Variants in NOL4L observed in about 807,000 individuals in gnomAD.
NOL4L encodes the protein nucleolar protein 4 like.
A neutral mutation model predicts 64.5 loss-of-function variants in NOL4L; 7 were observed. That is an observed-to-expected ratio of 0.11 (90% confidence interval 0.06 to 0.20). The LOEUF (loss-of-function observed/expected upper bound fraction) is 0.20. Among genes scored for constraint, NOL4L ranks in the 10% least tolerant of loss-of-function variants. The pLI, the probability that NOL4L is intolerant of heterozygous loss-of-function variation, is 1.00. For synonymous variants in NOL4L, 413 were observed against 401.0 expected, an observed-to-expected ratio of 1.03 and a Z score of -0.36; for missense variants, 680 against 967.1, an observed-to-expected ratio of 0.70 and a Z score of 3.94.
chr20:32,584,859 C>T lies in NOL4L; in HGVS notation c.32G>A (p.Gly11Asp). ...CCCGGGGCTGCGCTCGCGCTCCCAG[C>T]CCCCGCGCAGCAGCAGCGTCGGCTT... MPKPTLLLRG[G>D]WERERSPGDS... The change falls in exon 1 of 11, where the codon GGC becomes GAC. Residue 11 changes from glycine to aspartate, a missense_variant. This residue lies in a region of NOL4L where 181 missense variants were observed against 335.2 expected (regional missense o/e 0.54). Transcript: ENST00000621426. 7.0e-7 allele frequency: 1 copy of T among 1,422,316 alleles called. No homozygotes were observed. The highest frequency in any genetic ancestry group is 3.0e-5 in the East Asian group (1 of 32,896). 88.1% of individuals were successfully genotyped at this position (1,422,316 alleles called of 1,614,324 possible). A position where few individuals can be genotyped will look rare whatever the true frequency, so the allele number is the denominator to read the frequency against.
intron 1 of NOL4L, among the ~76,000 whole-genome samples, chr20:32,541,048 C>CACACACACA (rs1555806421): frequency 7.3e-5 from 11 of 150,572 alleles, no homozygotes; most frequent in Admixed American, 6.6e-4. Context: ...CACACACACA[C>CACACACACA]TATTCCCTCT....
intron 5 of NOL4L, among the ~76,000 whole-genome samples, chr20:32,459,474 C>T (rs1455240900): frequency 6.6e-6 from 1 of 151,656 alleles, no homozygotes; most frequent in Admixed American, 6.6e-5. Context: ...ACCTCCACCT[C>T]CCAGGTTCAA....
intron 1 of NOL4L, among the ~76,000 whole-genome samples, chr20:32,554,459 T>C (rs1281520011): frequency 6.7e-6 from 1 of 149,630 alleles, no homozygotes. Flanking sequence ...AGCAAACACC[T>C]CCCCAAGAGA....
At chr20:32,518,034 C>T (rs2145568646) in intron 3 of NOL4L, among the ~76,000 whole-genome samples, 1 of 152,302 alleles carries the variant, frequency 6.6e-6, no homozygotes, top group East Asian at 1.9e-4. Context: ...GAGAGGTTCC[C>T]TGTCCTGCCG....
At chr20:32,564,172 G>A (rs1187989022) in intron 1 of NOL4L, among the ~76,000 whole-genome samples, 4 of 152,188 alleles carry the variant, frequency 2.6e-5, no homozygotes, top group African/African-American at 7.2e-5. Context: ...GTCTCTGTTC[G>A]GTGTAGGCCA....
intron 2 of NOL4L, among the ~76,000 whole-genome samples, chr20:32,526,180 A>G (rs892766927): frequency 1.3e-5 from 2 of 152,138 alleles, no homozygotes; most frequent in African/African-American, 2.4e-5. Flanking sequence ...GTCAACCACC[A>G]TGCCCCACCC....
chr20:32,497,842 CTTCA>C (rs2016758292), intron 4 of NOL4L, among the ~76,000 whole-genome samples: 1 of 152,212 alleles, frequency 6.6e-6, no homozygotes, highest in African/African-American at 2.4e-5. Flanking sequence ...CACTTCCCCC[CTTCA>C]TTCATGGACG....
At chr20:32,482,517 G>T (rs1239413308) in intron 4 of NOL4L, among the ~76,000 whole-genome samples, 1 of 152,142 alleles carries the variant, frequency 6.6e-6, no homozygotes, top group Non-Finnish European at 1.5e-5. Flanking sequence ...AAAGTGTCCA[G>T]CCTTGAAGAC....
At chr20:32,530,504 G>A (rs988817344) in intron 1 of NOL4L, among the ~76,000 whole-genome samples, 30 of 151,636 alleles carry the variant, frequency 2.0e-4, no homozygotes, top group South Asian at 6.3e-4. Context: ...TCGCGCCACC[G>A]CACTCCAGCC....
rs1978537421 is a variant in NOL4L at position 32,554,636 on chromosome 20, AC to A, written c.322-26724del. ...AGAAGCAGGCACCCTCTCCTGGGAA[AC>A]CCCCCAGGAAATCCTCCTTTTCTCC... is the stretch of plus-strand genomic sequence containing the variant. On this transcript the variant is annotated intron_variant, in intron 1 of 10. Transcript: ENST00000621426. Among the ~76,000 whole-genome samples, 3 of 151,596 alleles carry A rather than the reference AC, an allele frequency of 2.0e-5. No homozygotes were observed. The South Asian group carries it at 6.3e-4, about 32-fold the overall frequency.
chr20:32,571,250 C>T (rs543611144), intron 1 of NOL4L, among the ~76,000 whole-genome samples: 1 of 152,140 alleles, frequency 6.6e-6, no homozygotes, highest in Admixed American at 6.5e-5. Context: ...TGCAGTGGCG[C>T]GATCTTGGCT....
At position 32,517,146 on chromosome 20, in the gene NOL4L, G is replaced by GCC. The variant is rs767644205; in HGVS notation, c.589+3664_589+3665insGG. Among the ~76,000 whole-genome samples the GCC allele has an allele frequency of 6.2e-3, 940 of 152,190 alleles. 14 individuals are homozygous for GCC. The highest frequency in any genetic ancestry group is 0.021 in the African/African-American group (880 of 41,520). On this transcript the variant is annotated intron_variant, in intron 3 of 10. Coordinates refer to ENST00000621426, the MANE Select transcript of NOL4L (RefSeq NM_001256798.2). ...TGGGGGAGGGCACGGGGCTGTCCAG[G>GCC]TCCCCCCCACTCTGCTGGGGAGAGA...
At chr20:32,455,505 C>T (rs556251338) in intron 6 of NOL4L, among the ~76,000 whole-genome samples, 14 of 152,306 alleles carry the variant, frequency 9.2e-5, no homozygotes, top group East Asian at 3.9e-4. Context: ...CTCTGGCCCC[C>T]GGGCCCAGGT....
Position 32,474,582 on chromosome 20 carries a change from G to T in NOL4L, c.841+19C>A. 6.2e-7 allele frequency: 1 copy of T among 1,601,726 alleles called. No homozygotes were observed. ...GGCCGGGCACAGCCCCTCCTCAACT[G>T]CCACCAAGGGGCACTCACCGTCCTC... On this transcript the variant is annotated intron_variant, in intron 5 of 10. Coordinates refer to ENST00000621426, the MANE Select transcript of NOL4L (RefSeq NM_001256798.2).
intron 1 of NOL4L, among the ~76,000 whole-genome samples, chr20:32,559,065 A>G (rs903372658): frequency 1.3e-5 from 2 of 152,214 alleles, no homozygotes; most frequent in Admixed American, 6.5e-5. Flanking sequence ...AGAGAGCTGT[A>G]GTGTGGCCGC....
At chr20:32,556,276 G>GC (rs1239334853) in intron 1 of NOL4L, among the ~76,000 whole-genome samples, 1 of 34,632 alleles carries the variant, frequency 2.9e-5, no homozygotes, top group Admixed American at 4.1e-4. Flanking sequence ...TTCCTTTGTG[G>GC]GGGGGGGGGG....
At chr20:32,498,637 C>T (rs1600763023) in intron 4 of NOL4L, among the ~76,000 whole-genome samples, 1 of 151,240 alleles carries the variant, frequency 6.6e-6, no homozygotes, top group Middle Eastern at 3.4e-3. Context: ...GTGGTGTGTG[C>T]CTGTAGTTCC....
At chr20:32,462,903 TAAAAA>T (rs564168973) in intron 5 of NOL4L, among the ~76,000 whole-genome samples, 32 of 76,660 alleles carry the variant, frequency 4.2e-4, no homozygotes, top group African/African-American at 1.5e-3. Flanking sequence ...GACTCTGTCT[TAAAAA>T]AAAAAAAAAA....
rs1466833829 is a variant in NOL4L at position 32,456,135 on chromosome 20, C to A, written c.1102G>T (p.Val368Leu). 3 of 1,546,410 alleles carry A rather than the reference C, an allele frequency of 1.9e-6. No homozygotes were observed. Among genetic ancestry groups the A allele is most frequent in the African/African-American group, 2.7e-5 (2 of 72,944 alleles). ...CCACACACCTCGGGGGTGGTCTTCA[C>A]CCCGTATTTGACGCGGCTCCGCAGC... is the stretch of plus-strand genomic sequence containing the variant. ...DGLRSRVKYG[V>L]KTTPESPPYS... is the part of the protein sequence containing the mutation. Residue 368 changes from valine to leucine, a missense_variant, in exon 6 of 11, where the codon GTG becomes TTG. Val to Leu is a conservative substitution (Grantham distance 32, BLOSUM62 1). This residue lies in a region of NOL4L where 254 missense variants were observed against 238.7 expected (regional missense o/e 1.06). Transcript: ENST00000621426.
Sources: allele counts gnomAD v4.1 joint callset (sites outside exome capture counted in the v4.1 genomes callset), GRCh38; gene constraint gnomAD v4.1.1; regional missense constraint gnomAD v4.1.1; transcripts MANE v1.5; gene names NCBI Gene and HGNC (gene_info 2026-07-23, HGNC 2026-07-21).